Variants in ENTPD4 observed in about 807,000 individuals in gnomAD.
The protein encoded by ENTPD4 is ectonucleoside triphosphate diphosphohydrolase 4, also known as Golgi UDPase.
In ENTPD4, 60 loss-of-function variants were observed where a neutral mutation model predicts 79.1. The ratio of observed to expected loss-of-function variants is 0.76; its 90% CI spans 0.62 to 0.94. ENTPD4 has a LOEUF of 0.94. Among genes scored for constraint, ENTPD4 ranks in the 40% least tolerant of loss-of-function variants. ENTPD4 has a pLI of 0.00. For synonymous variants in ENTPD4, 276 were observed against 292.0 expected (o/e 0.95, Z 0.56); for missense variants, 772 against 775.1 (o/e 1.00, Z 0.05).
chr8:23,456,064 G>A (rs184429704), intron 1 of ENTPD4, among the ~76,000 whole-genome samples: 2 of 152,226 alleles, frequency 1.3e-5, no homozygotes, highest in East Asian at 1.9e-4. Flanking sequence ...TGTAAAACAC[G>A]GCCTTCAAAA....
chr8:23,436,852 A>G (rs979051863), intron 10 of ENTPD4, 82 bp downstream of exon 10: 7 of 1,073,784 alleles, frequency 6.5e-6, no homozygotes, highest in Admixed American at 2.3e-5. Context: ...TTCCCTGTCA[A>G]TGTGAAAGGA....
chr8:23,447,633 T>C, intron 4 of ENTPD4, 47 bp downstream of exon 4: 1 of 1,448,844 alleles, frequency 6.9e-7, no homozygotes, highest in Non-Finnish European at 9.7e-7. Context: ...CCACAGAGAA[T>C]GAAGGTACAC....
chr8:23,434,819 G>T, intron 11 of ENTPD4: 2 of 568,452 alleles, frequency 3.5e-6, no homozygotes, highest in Non-Finnish European at 4.8e-6. Flanking sequence ...TTGTACCTCA[G>T]TTTATTATAA....
intron 6 of ENTPD4, 110 bp from the exon 7 acceptor site, chr8:23,442,176 T>C: frequency 1.4e-6 from 1 of 695,206 alleles, no homozygotes; most frequent in Non-Finnish European, 2.5e-6. Flanking sequence ...CCTGATAACC[T>C]GTAAAATCAT....
Position 23,436,964 on chromosome 8 carries a change from G to T in ENTPD4, c.1344C>A (p.Tyr448Ter). 6.2e-7 allele frequency: 1 copy of T among 1,608,044 alleles called. No individual in the cohort carries two copies. The highest frequency in any genetic ancestry group is 8.5e-7 in the Non-Finnish European group (1 of 1,176,972). Residue 448 changes from tyrosine (Y) to a stop codon, truncating the protein, a stop_gained, in exon 10 of 13, where the codon TAC becomes TAA. Transcript: ENST00000358689. LOFTEE classifies it high-confidence loss of function. ...TEDVLRMGGDYNAAKFTKAAK... is the reference protein window; with the variant it reads ...TEDVLRMGGD Reference sequence around the variant, plus strand: ...CAGCTTTAGTAAATTTAGCAGCATTGTAGTCTCCCCCCATTCGTAACACAT... The same window carrying T: ...CAGCTTTAGTAAATTTAGCAGCATTTTAGTCTCCCCCCATTCGTAACACAT...
intron 6 of ENTPD4, among the ~76,000 whole-genome samples, chr8:23,443,539 T>C (rs867961885): frequency 6.6e-6 from 1 of 152,178 alleles, no homozygotes; most frequent in African/African-American, 2.4e-5. Context: ...AGCTCAATAA[T>C]GATCAACGTC....
intron 3 of ENTPD4, 98 bp from the exon 4 acceptor site, chr8:23,447,983 G>A: frequency 1.1e-6 from 1 of 925,062 alleles, no homozygotes; most frequent in Non-Finnish European, 1.8e-6. Flanking sequence ...TAATTTCTAA[G>A]CTATGTAGCA....
At chr8:23,450,733 A>G (rs1389596071) in intron 1 of ENTPD4, among the ~76,000 whole-genome samples, 1 of 152,158 alleles carries the variant, frequency 6.6e-6, no homozygotes, top group African/African-American at 2.4e-5. Context: ...TACAATCATT[A>G]CTGAGGCTTC....
chr8:23,451,173 C>T (rs1473235164), intron 1 of ENTPD4, among the ~76,000 whole-genome samples: 10 of 152,082 alleles, frequency 6.6e-5, no homozygotes, highest in African/African-American at 1.9e-4. Context: ...AGGCGCCCGT[C>T]ACCACTCCCA....
At position 23,441,674 on chromosome 8, in the gene ENTPD4, T is replaced by C. The variant is rs111907489; in HGVS notation, c.777A>G (p.Glu259=). ...CCGCTGTCCTTTTACGGACAATGGC[T>C]TCGCTGCTTTCACTTCCAGGAATGT... ...EVNIPGSESS[E]AIVRKRTAGI... is the part of the protein sequence containing the mutation. Residue 259 remains glutamate (E), a synonymous_variant, in exon 8 of 13, where the codon GAA becomes GAG. Coordinates refer to ENST00000358689, the MANE Select transcript of ENTPD4 (RefSeq NM_004901.5). The C allele has an allele frequency of 1.2e-6, 2 of 1,614,144 alleles. No homozygotes were observed.
Position 23,435,471 on chromosome 8 carries a change from A to C in ENTPD4, c.1381T>G (p.Cys461Gly), listed in dbSNP as rs1197105698. 1 of 1,613,308 alleles carries C rather than the reference A, an allele frequency of 6.2e-7. No homozygotes were observed. The highest frequency in any genetic ancestry group is 2.2e-5 in the East Asian group (1 of 44,884). Reference sequence around the variant, plus strand: ...CGCAAAATGGACCACTTTGTTGCACAATAATCCTGAAAACAAATTCACCAA... The same window carrying C: ...CGCAAAATGGACCACTTTGTTGCACCATAATCCTGAAAACAAATTCACCAA... ...AKFTKAAKDYCATKWSILRER... is the reference protein window; with the variant it reads ...AKFTKAAKDYGATKWSILRER... The change falls in exon 11 of 13, where the codon TGT (cysteine) becomes GGT (glycine). Residue 461 changes from cysteine (C) to glycine (G), a missense_variant. Physicochemically the swap from Cys to Gly is radical, Grantham distance 159. Transcript: ENST00000358689.
intron 1 of ENTPD4, among the ~76,000 whole-genome samples, chr8:23,453,387 A>C (rs1800898879): frequency 6.6e-6 from 1 of 152,242 alleles, no homozygotes; most frequent in Non-Finnish European, 1.5e-5. Flanking sequence ...CAAACAAAAA[A>C]ATCCCTCCCT....
intron 2 of ENTPD4, among the ~76,000 whole-genome samples, chr8:23,449,144 G>C (rs750732502): frequency 1.3e-4 from 20 of 152,128 alleles, no homozygotes; most frequent in Non-Finnish European, 2.6e-4. Flanking sequence ...AGGCCCTGAA[G>C]GTTACGACAC....
At chr8:23,449,451 C>G (rs1265709518) in intron 2 of ENTPD4, among the ~76,000 whole-genome samples, 1 of 152,126 alleles carries the variant, frequency 6.6e-6, no homozygotes, top group Non-Finnish European at 1.5e-5. Flanking sequence ...AAGTCCAAGG[C>G]AAATTTCTCC....
intron 4 of ENTPD4, among the ~76,000 whole-genome samples, chr8:23,446,229 T>C (rs139207069): frequency 1.1e-3 from 173 of 152,328 alleles, no homozygotes; most frequent in Non-Finnish European, 2.1e-3. Flanking sequence ...GAGATTCTAA[T>C]GTATACTCTA....
chr8:23,444,513 T>C lies in ENTPD4; in HGVS notation c.506A>G (p.His169Arg), dbSNP rs754277011. The C allele has an allele frequency of 1.1e-5, 17 of 1,614,202 alleles. No individual in the cohort carries two copies. Among genetic ancestry groups the C allele is most frequent in the Non-Finnish European group, 1.4e-5 (17 of 1,180,040 alleles). Reference sequence around the variant, plus strand: ...GAGAATGTAGAGAGGTGTCTCTTTGTGTTTTGCCCGTGGCACATGCTCTGC... The same window carrying C: ...GAGAATGTAGAGAGGTGTCTCTTTGCGTTTTGCCCGTGGCACATGCTCTGC... ...FAAEHVPRAKHKETPLYILCT... is the reference protein window; with the variant it reads ...FAAEHVPRAKRKETPLYILCT... Residue 169 changes from histidine (H) to arginine (R), a missense_variant, in exon 5 of 13, where the codon CAC (histidine) becomes CGC (arginine). Coordinates refer to ENST00000358689, the MANE Select transcript of ENTPD4 (RefSeq NM_004901.5).
At chr8:23,441,761 A>C in intron 7 of ENTPD4, 38 bp from the exon 8 acceptor site, 1 of 1,603,154 alleles carries the variant, frequency 6.2e-7, no homozygotes, top group Non-Finnish European at 8.5e-7. Context: ...AACAGAACTA[A>C]TCCAGAGAAC....
At chr8:23,436,877 A>C in intron 10 of ENTPD4, 57 bp downstream of exon 10, 1 of 1,327,994 alleles carries the variant, frequency 7.5e-7, no homozygotes, top group Non-Finnish European at 1.0e-6. Flanking sequence ...ATAACCCGTC[A>C]CCGTCCACAC....
rs1011854588 is a variant in ENTPD4, at chr8:23,431,408, A to G, written c.*1518T>C. Reference sequence around the variant, plus strand: ...CACAAAACAAACTCCACCTAAAAAAACTGTACGAGAATTCCCCAAACTTCT... The same window carrying G: ...CACAAAACAAACTCCACCTAAAAAAGCTGTACGAGAATTCCCCAAACTTCT... On this transcript the variant is annotated 3_prime_UTR_variant, in exon 13 of 13. Coordinates refer to ENST00000358689, the MANE Select transcript of ENTPD4 (RefSeq NM_004901.5). 5.1e-6 allele frequency: 5 copies of G among 985,324 alleles called. No homozygotes were observed. The African/African-American group carries it at 8.7e-5, about 17-fold the overall frequency. The allele number at this position is 985,324 out of a possible 1,614,324, so 61.0% of individuals were successfully genotyped here. A position where few individuals can be genotyped will look rare whatever the true frequency, so the allele number is the denominator to read the frequency against.
Sources: gnomAD v4.1 joint callset for allele counts (sites outside exome capture counted in the v4.1 genomes callset) on GRCh38, gnomAD v4.1.1 for gene constraint, MANE v1.5 for transcripts, NCBI Gene and HGNC (gene_info 2026-07-23, HGNC 2026-07-21) for gene names.